The following LY86 variants were observed in gnomAD, a reference collection of about 807,000 sequenced individuals.
LY86 encodes MD-1, RP105-associated.
In LY86, 20 loss-of-function variants were observed where a neutral mutation model predicts 17.3. The observed-to-expected ratio is 1.15, with a 90% CI of 0.81 to 1.68. The LOEUF (loss-of-function observed/expected upper bound fraction) is 1.68, where lower values mean the gene tolerates loss of function less well. Ranked by LOEUF, LY86 falls within the 40% of genes most tolerant of loss-of-function variation. The pLI, the probability that LY86 is intolerant of heterozygous loss-of-function variation, is 0.00. For missense variants in LY86, 200 were observed against 191.9 expected (o/e 1.04, Z -0.25); for synonymous variants, 74 against 70.6 (o/e 1.05, Z -0.24).
chr6:6,623,934 T>TA (rs1761731695), intron 1 of LY86, among the ~76,000 whole-genome samples: 1 of 152,242 alleles, frequency 6.6e-6, no homozygotes, highest in Non-Finnish European at 1.5e-5. Context: ...TGCAGAGTGA[T>TA]ACATGTTTGT....
At chr6:6,592,684 AAAG>A (rs1249462591) in intron 1 of LY86, among the ~76,000 whole-genome samples, 4 of 152,096 alleles carry the variant, frequency 2.6e-5, no homozygotes, top group Non-Finnish European at 5.9e-5. Flanking sequence ...TAATATCTTA[AAAG>A]AAGAGGCCAG....
chr6:6,626,788 G>A (rs888892703), intron 3 of LY86, among the ~76,000 whole-genome samples: 4 of 151,938 alleles, frequency 2.6e-5, no homozygotes, highest in African/African-American at 9.7e-5. Flanking sequence ...CTTCCTTAGT[G>A]GCAGGATGTC....
intron 3 of LY86, among the ~76,000 whole-genome samples, chr6:6,641,721 T>C (rs1396949741): frequency 6.6e-6 from 1 of 151,848 alleles, no homozygotes; most frequent in Non-Finnish European, 1.5e-5. Flanking sequence ...ATCCATGGTC[T>C]TGGTATACAT....
chr6:6,647,906 C>T (rs1762127835), intron 3 of LY86, among the ~76,000 whole-genome samples: 2 of 151,296 alleles, frequency 1.3e-5, no homozygotes, highest in Admixed American at 6.6e-5. Context: ...ACTTGTATAG[C>T]CAACTGCTTC....
intron 1 of LY86, among the ~76,000 whole-genome samples, chr6:6,618,013 G>A (rs1394572460): frequency 4.6e-5 from 7 of 152,072 alleles, no homozygotes; most frequent in Non-Finnish European, 7.4e-5. Flanking sequence ...ACTAATTTTT[G>A]TGTTTTTAAT....
intron 1 of LY86, among the ~76,000 whole-genome samples, chr6:6,613,069 CAGAG>C (rs1339076496): frequency 6.6e-6 from 1 of 152,052 alleles, no homozygotes. Context: ...AAGTCCCCAC[CAGAG>C]TAGCCAGATA....
At chr6:6,624,401 TG>T (rs946615122) in intron 1 of LY86, among the ~76,000 whole-genome samples, 1 of 91,310 alleles carries the variant, frequency 1.1e-5, no homozygotes, top group Non-Finnish European at 2.0e-5. Context: ...TGGGATGGGA[TG>T]GGATGGGTTG....
intron 3 of LY86, 92 bp from the exon 4 acceptor site, chr6:6,649,533 T>C (rs1762155590): frequency 1.3e-6 from 1 of 771,932 alleles, no homozygotes; most frequent in Middle Eastern, 3.5e-4. Context: ...GTGCCAATAA[T>C]TGTCACACAT....
chr6:6,603,153 A>G (rs568931719), intron 1 of LY86, among the ~76,000 whole-genome samples: 31 of 152,122 alleles, frequency 2.0e-4, no homozygotes, highest in Non-Finnish European at 4.3e-4. Context: ...CACTTGTCCC[A>G]TTCATGAGGG....
intron 4 of LY86, among the ~76,000 whole-genome samples, chr6:6,652,091 T>TTGACCAGA (rs1234754322): frequency 7.0e-6 from 1 of 142,006 alleles, no homozygotes; most frequent in Non-Finnish European, 1.5e-5. Flanking sequence ...AGGAAAAAGG[T>TTGACCAGA]TGACCAGATA....
At chr6:6,622,513 A>C (rs1040093674) in intron 1 of LY86, 1 of 152,186 alleles carries the variant, frequency 6.6e-6, no homozygotes, top group Non-Finnish European at 1.5e-5. Context: ...AAACCCTGGG[A>C]CAGCACAGAG....
chr6:6,605,241 T>C (rs145740568), intron 1 of LY86, among the ~76,000 whole-genome samples: 1 of 152,194 alleles, frequency 6.6e-6, no homozygotes, highest in African/African-American at 2.4e-5. Flanking sequence ...CCCTAAAATT[T>C]GGCAGTTAAA....
chr6:6,596,899 G>A lies in LY86; in HGVS notation c.136+8029G>A, dbSNP rs1049079063. Among the ~76,000 whole-genome samples, 3 of 152,270 alleles carry A rather than the reference G, an allele frequency of 2.0e-5. No homozygotes were observed. In the East Asian group the frequency reaches 5.8e-4, roughly 29 times the overall value. ...CTTAGTGAATAGGAACCTAGAGAGGGAAAAAAGCCAAGAGTCTGTAGTTCT... is the reference window on the plus strand; with the variant it reads ...CTTAGTGAATAGGAACCTAGAGAGGAAAAAAAGCCAAGAGTCTGTAGTTCT... On this transcript the variant is annotated intron_variant, in intron 1 of 4. Coordinates refer to ENST00000230568, the MANE Select transcript of LY86 (RefSeq NM_004271.4).
chr6:6,628,704 T>C (rs924196653), intron 3 of LY86, among the ~76,000 whole-genome samples: 1 of 152,134 alleles, frequency 6.6e-6, no homozygotes, highest in Non-Finnish European at 1.5e-5. Flanking sequence ...CCCTCCCAAT[T>C]AAACTTTAAA....
intron 1 of LY86, among the ~76,000 whole-genome samples, chr6:6,590,749 G>C (rs1481512911): frequency 1.3e-5 from 2 of 152,164 alleles, no homozygotes; most frequent in East Asian, 3.8e-4. Flanking sequence ...AGTTGATTAA[G>C]CATCTGAATT....
intron 3 of LY86, among the ~76,000 whole-genome samples, chr6:6,641,036 T>C (rs1028641018): frequency 3.3e-5 from 5 of 152,236 alleles, no homozygotes; most frequent in Admixed American, 6.5e-5. Context: ...ACTCACATTA[T>C]ACAGTTATGA....
intron 1 of LY86, among the ~76,000 whole-genome samples, chr6:6,624,374 A>AATGCGATGGGATGGG (rs1554125574): frequency 2.9e-5 from 3 of 101,726 alleles, no homozygotes; most frequent in Non-Finnish European, 1.9e-5. Flanking sequence ...CATTACATTA[A>AATGCGATGGGATGGG]ATGGGATGGG....
In LY86 at chr6:6,654,647, T is replaced by C. The variant is rs1402348825; in HGVS notation, c.*20T>C. ...TCCTGACTGTGGCCTGTAGCAAAAATCACAGCCAGCTGCATCTCGTGGGAC... is the reference window on the plus strand; with the variant it reads ...TCCTGACTGTGGCCTGTAGCAAAAACCACAGCCAGCTGCATCTCGTGGGAC... On this transcript the variant is annotated 3_prime_UTR_variant, in exon 5 of 5. Transcript: ENST00000230568. The C allele has an allele frequency of 6.2e-7, 1 of 1,608,562 alleles. No individual in the cohort carries two copies. Among genetic ancestry groups the C allele is most frequent in the South Asian group, 1.1e-5 (1 of 90,874 alleles).
chr6:6,592,041 G>A (rs1001186475), intron 1 of LY86, among the ~76,000 whole-genome samples: 1 of 152,210 alleles, frequency 6.6e-6, no homozygotes, highest in East Asian at 1.9e-4. Flanking sequence ...GCAGTAAGCA[G>A]GAGTGTAGAT....
Sources: gnomAD v4.1 joint callset for allele counts (sites outside exome capture counted in the v4.1 genomes callset) on GRCh38, gnomAD v4.1.1 for gene constraint, MANE v1.5 for transcripts, NCBI Gene and HGNC (gene_info 2026-07-23, HGNC 2026-07-21) for gene names.